The following NRG1 variants were observed in gnomAD, a reference collection of about 807,000 sequenced individuals.
NRG1 encodes neuregulin 1, also known as pro-neuregulin-1, membrane-bound isoform.
A neutral mutation model predicts 63.8 loss-of-function variants in NRG1; 18 were observed. That is an observed-to-expected ratio of 0.28 (90% CI 0.19 to 0.42). The LOEUF is 0.42. Ranked by LOEUF, NRG1 falls within the 10% of genes least tolerant of loss-of-function variation. The probability of loss-of-function intolerance (pLI) is 1.00; values close to 1 mark genes in which losing one functional copy is unlikely to be tolerated. For synonymous variants in NRG1, 302 were observed against 301.3 expected (o/e 1.00, Z -0.02); for missense variants, 762 against 814.7 (o/e 0.94, Z 0.79).
intron 1 of NRG1, among the ~76,000 whole-genome samples, chr8:32,037,500 C>G (rs764288050): frequency 9.2e-5 from 14 of 152,214 alleles, no homozygotes; most frequent in Non-Finnish European, 1.5e-4. Flanking sequence ...CAGGGCTGCC[C>G]TGACTCTCCA....
intron 1 of NRG1, among the ~76,000 whole-genome samples, chr8:32,468,884 A>C (rs1345014576): frequency 6.6e-6 from 1 of 152,146 alleles, no homozygotes; most frequent in African/African-American, 2.4e-5. Flanking sequence ...AAGAACATGA[A>C]CAAGGGATTG....
chr8:32,034,022 T>C (rs889384210), intron 1 of NRG1, among the ~76,000 whole-genome samples: 5 of 152,200 alleles, frequency 3.3e-5, no homozygotes, highest in African/African-American at 1.2e-4. Context: ...TTCCTTGTCT[T>C]GTGTTGGTTT....
At chr8:32,251,202 C>T (rs1311904819) in intron 1 of NRG1, among the ~76,000 whole-genome samples, 1 of 151,968 alleles carries the variant, frequency 6.6e-6, no homozygotes, top group East Asian at 1.9e-4. Flanking sequence ...TGCTATCCCT[C>T]CCCGCTCCCC....
At chr8:31,926,901 T>C (rs902596241) in intron 1 of NRG1, among the ~76,000 whole-genome samples, 6 of 152,156 alleles carry the variant, frequency 3.9e-5, no homozygotes, top group East Asian at 1.9e-4. Flanking sequence ...ACCTAGACTA[T>C]TTTTCCAGTA....
At chr8:32,406,909 C>A (rs527932201) in intron 1 of NRG1, among the ~76,000 whole-genome samples, 1 of 151,850 alleles carries the variant, frequency 6.6e-6, no homozygotes, top group Non-Finnish European at 1.5e-5. Flanking sequence ...AATCTCAAAC[C>A]GAATTCTATA....
chr8:32,714,742 G>C (rs941577884), intron 5 of NRG1, among the ~76,000 whole-genome samples: 9 of 152,136 alleles, frequency 5.9e-5, no homozygotes, highest in African/African-American at 2.2e-4. Flanking sequence ...TTCCAGGAAA[G>C]GAAAGCCAGG....
intron 1 of NRG1, among the ~76,000 whole-genome samples, chr8:31,713,242 G>A (rs571718707): frequency 2.0e-5 from 3 of 147,030 alleles, no homozygotes; most frequent in South Asian, 2.2e-4. Flanking sequence ...TCAGCCTCCC[G>A]AGTAGCTGGG....
At chr8:32,068,601 G>A (rs1318003498) in intron 1 of NRG1, among the ~76,000 whole-genome samples, 1 of 152,124 alleles carries the variant, frequency 6.6e-6, no homozygotes, top group East Asian at 1.9e-4. Context: ...TTCTTCGAGA[G>A]CCAAGAGTTC....
At chr8:32,736,966 A>G (rs1468893792) in intron 6 of NRG1, among the ~76,000 whole-genome samples, 1 of 152,214 alleles carries the variant, frequency 6.6e-6, no homozygotes, top group East Asian at 1.9e-4. Flanking sequence ...ATTTCAAAAT[A>G]CATACATCTA....
chr8:32,284,843 C>A (rs1853337790), intron 1 of NRG1, among the ~76,000 whole-genome samples: 2 of 152,106 alleles, frequency 1.3e-5, no homozygotes, highest in Admixed American at 1.3e-4. Context: ...GCCACTGCAC[C>A]CAGCCTCACA....
exon 12 of NRG1, chr8:32,766,382 G>C (rs1831431112): frequency 6.6e-6 from 1 of 152,146 alleles, no homozygotes; most frequent in African/African-American, 2.4e-5. Context: ...GTCTTTGTCA[G>C]GTTGCACTGA....
intron 1 of NRG1, among the ~76,000 whole-genome samples, chr8:31,825,177 C>G (rs1053095731): frequency 2.0e-5 from 3 of 152,088 alleles, no homozygotes; most frequent in African/African-American, 7.2e-5. Context: ...ATCATGAGGT[C>G]AAGAGATGGA....
At chr8:32,654,991 T>G (rs1801146948) in intron 5 of NRG1, among the ~76,000 whole-genome samples, 1 of 152,194 alleles carries the variant, frequency 6.6e-6, no homozygotes. Context: ...TAGACCATCA[T>G]GTTAAATCTG....
chr8:32,716,065 T>C (rs16879814), intron 5 of NRG1, among the ~76,000 whole-genome samples: 48,284 of 152,060 alleles, frequency 0.32, 8,070 homozygotes, highest in Non-Finnish European at 0.36. Flanking sequence ...CTGTCATCTG[T>C]GAACTCTTCC....
chr8:32,131,116 T>C (rs1336481828), intron 1 of NRG1, among the ~76,000 whole-genome samples: 1 of 152,020 alleles, frequency 6.6e-6, no homozygotes, highest in Non-Finnish European at 1.5e-5. Context: ...AATTTCCAGA[T>C]ACATTTGTTA....
At chr8:31,688,571 A>G (rs1809150440) in intron 1 of NRG1, among the ~76,000 whole-genome samples, 1 of 152,238 alleles carries the variant, frequency 6.6e-6, no homozygotes, top group African/African-American at 2.4e-5. Context: ...TACTGATGAG[A>G]AAATATGTCC....
At chr8:31,845,001 G>A (rs952722545) in intron 1 of NRG1, among the ~76,000 whole-genome samples, 1 of 152,030 alleles carries the variant, frequency 6.6e-6, no homozygotes, top group Non-Finnish European at 1.5e-5. Context: ...CAGCTACTTG[G>A]GAGGCTGAGG....
chr8:32,099,379 A>T (rs1323141640), intron 1 of NRG1: 1 of 152,358 alleles, frequency 6.6e-6, no homozygotes, highest in Non-Finnish European at 1.5e-5. Context: ...CAACAACCTG[A>T]CTCCTTTTCT....
intron 1 of NRG1, among the ~76,000 whole-genome samples, chr8:31,956,947 T>C (rs1804540195): frequency 6.6e-6 from 1 of 152,202 alleles, no homozygotes; most frequent in African/African-American, 2.4e-5. Flanking sequence ...GATGTGAATT[T>C]TCATTATTCA....
Sources: gnomAD v4.1 joint callset for allele counts (sites outside exome capture counted in the v4.1 genomes callset) on GRCh38, gnomAD v4.1.1 for gene constraint, MANE v1.5 for transcripts, NCBI Gene and HGNC (gene_info 2026-07-23, HGNC 2026-07-21) for gene names.